Variants in C16orf74 observed in about 807,000 individuals in gnomAD.
C16orf74 encodes uncharacterized protein C16orf74.
In C16orf74, 10 loss-of-function variants were observed where a neutral mutation model predicts 6.5. The ratio of observed to expected loss-of-function variants is 1.54; its 90% confidence interval spans 0.95 to 2.61. The LOEUF (loss-of-function observed/expected upper bound fraction) is 2.61, where lower values mean the gene tolerates loss of function less well. Ranked by LOEUF, C16orf74 falls within the 30% of genes most tolerant of loss-of-function variation. The pLI is 0.00. For synonymous variants in C16orf74, 60 were observed against 42.5 expected, an observed-to-expected ratio of 1.41 and a Z score of -1.60; for missense variants, 141 against 105.9, an observed-to-expected ratio of 1.33 and a Z score of -1.45.
chr16:85,713,006 T>A (rs1343763215), intron 2 of C16orf74, among the ~76,000 whole-genome samples: 1 of 152,134 alleles, frequency 6.6e-6, no homozygotes, highest in Non-Finnish European at 1.5e-5. Context: ...CTTCGTCTCC[T>A]GGGGTTGCCA....
chr16:85,740,883 G>C (rs906054414), intron 1 of C16orf74, among the ~76,000 whole-genome samples: 5 of 147,296 alleles, frequency 3.4e-5, no homozygotes, highest in African/African-American at 1.0e-4. Flanking sequence ...GGGCTCAAGA[G>C]TCATCATTTC....
chr16:85,734,871 C>A (rs1264168374), intron 2 of C16orf74, among the ~76,000 whole-genome samples: 1 of 152,196 alleles, frequency 6.6e-6, no homozygotes, highest in Non-Finnish European at 1.5e-5. Flanking sequence ...AACAGCCCAG[C>A]ATATGCCTGG....
chr16:85,717,753 G>A (rs1194959309), intron 2 of C16orf74, among the ~76,000 whole-genome samples: 1 of 152,234 alleles, frequency 6.6e-6, no homozygotes, highest in African/African-American at 2.4e-5. Flanking sequence ...GGAGAACACT[G>A]AGCTTTGGAG....
At chr16:85,709,745 G>A (rs2053948799) in intron 3 of C16orf74, among the ~76,000 whole-genome samples, 1 of 152,232 alleles carries the variant, frequency 6.6e-6, no homozygotes, top group Non-Finnish European at 1.5e-5. Flanking sequence ...GGAAGGCCCA[G>A]GGTCCGGCCC....
chr16:85,714,403 T>TG (rs2053999924), intron 2 of C16orf74, among the ~76,000 whole-genome samples: 1 of 37,416 alleles, frequency 2.7e-5, no homozygotes, highest in African/African-American at 7.8e-5. Flanking sequence ...ATTTATTTAT[T>TG]ATTTATTTAT....
chr16:85,717,133 G>A (rs891558987), intron 2 of C16orf74, among the ~76,000 whole-genome samples: 8 of 152,214 alleles, frequency 5.3e-5, no homozygotes. Context: ...TGGGGGCAGA[G>A]CCACGCAGAC....
intron 2 of C16orf74, among the ~76,000 whole-genome samples, chr16:85,731,250 G>A (rs2054184286): frequency 6.6e-6 from 1 of 152,230 alleles, no homozygotes; most frequent in Non-Finnish European, 1.5e-5. Flanking sequence ...TAATTTGTGG[G>A]GCTCAGTGGA....
chr16:85,737,769 T>C (rs2054260246), intron 1 of C16orf74, among the ~76,000 whole-genome samples: 1 of 152,140 alleles, frequency 6.6e-6, no homozygotes. Flanking sequence ...AGATGGAGGT[T>C]GCAGTGAACC....
chr16:85,720,174 G>A (rs978738886), intron 2 of C16orf74, among the ~76,000 whole-genome samples: 1 of 152,092 alleles, frequency 6.6e-6, no homozygotes, highest in Non-Finnish European at 1.5e-5. Flanking sequence ...AGCAGTGGAT[G>A]TTTTAAATCT....
intron 1 of C16orf74, among the ~76,000 whole-genome samples, chr16:85,744,430 T>A (rs564133126): frequency 1.3e-5 from 2 of 152,144 alleles, no homozygotes; most frequent in East Asian, 3.9e-4. Flanking sequence ...TTCCGTTTCA[T>A]ATTGAATTGG....
chr16:85,716,016 G>A (rs1276018594), intron 2 of C16orf74, among the ~76,000 whole-genome samples: 2 of 145,834 alleles, frequency 1.4e-5, no homozygotes, highest in Non-Finnish European at 2.9e-5. Context: ...CTGATGATCG[G>A]AGGCCCCCGA....
chr16:85,748,925 ATTTTT>A (rs748594620), intron 1 of C16orf74, among the ~76,000 whole-genome samples: 1 of 73,118 alleles, frequency 1.4e-5, no homozygotes, highest in African/African-American at 5.1e-5. Context: ...GGAGGCTTTG[ATTTTT>A]TTTTTTTTTT....
At chr16:85,720,968 G>C (rs1000093546) in intron 2 of C16orf74, among the ~76,000 whole-genome samples, 1 of 152,070 alleles carries the variant, frequency 6.6e-6, no homozygotes, top group Non-Finnish European at 1.5e-5. Flanking sequence ...GTGGGCACCT[G>C]TAATCCCAGC....
intron 2 of C16orf74, among the ~76,000 whole-genome samples, chr16:85,716,004 C>T (rs1452849573): frequency 7.0e-6 from 1 of 143,876 alleles, no homozygotes; most frequent in Admixed American, 6.7e-5. Context: ...CAAAAGGAAT[C>T]GCTGATGATC....
intron 2 of C16orf74, among the ~76,000 whole-genome samples, chr16:85,711,100 G>C (rs1231842248): frequency 2.6e-5 from 4 of 152,070 alleles, no homozygotes; most frequent in Non-Finnish European, 4.4e-5. Flanking sequence ...GATCACTTGA[G>C]GTCAGGAGTT....
chr16:85,745,104 G>T (rs891047439), intron 1 of C16orf74, among the ~76,000 whole-genome samples: 5 of 125,276 alleles, frequency 4.0e-5, no homozygotes, highest in Admixed American at 1.0e-4. Context: ...TTCCACCATT[G>T]CACTCCAGCC....
chr16:85,711,623 CAAAAAAAA>C (rs57336507), intron 2 of C16orf74, among the ~76,000 whole-genome samples: 218 of 111,036 alleles, frequency 2.0e-3, no homozygotes, highest in East Asian at 6.5e-3. Flanking sequence ...AACTCTGTCT[CAAAAAAAA>C]AAAAAAAAAA....
At chr16:85,746,281 C>T (rs2054372401) in intron 1 of C16orf74, among the ~76,000 whole-genome samples, 1 of 152,188 alleles carries the variant, frequency 6.6e-6, no homozygotes, top group African/African-American at 2.4e-5. Context: ...ACTTGGGAGA[C>T]AGAGGCTGCA....
chr16:85,709,020 A>G (rs922048569), intron 3 of C16orf74, among the ~76,000 whole-genome samples: 1 of 152,246 alleles, frequency 6.6e-6, no homozygotes, highest in African/African-American at 2.4e-5. Context: ...ACCCGTGACT[A>G]GCACATGGCA....
Sources: gnomAD v4.1 joint callset for allele counts (sites outside exome capture counted in the v4.1 genomes callset) on GRCh38, gnomAD v4.1.1 for gene constraint, MANE v1.5 for transcripts, NCBI Gene and HGNC (gene_info 2026-07-23, HGNC 2026-07-21) for gene names.